The following XPA variants were observed in gnomAD, a reference collection of about 807,000 sequenced individuals.
XPA encodes the protein XPA, DNA damage recognition and repair factor.
In XPA, 27 loss-of-function variants were observed where a neutral mutation model predicts 35.7. That is an observed-to-expected ratio of 0.76 (90% CI 0.56 to 1.04). XPA has a LOEUF of 1.04. Among genes scored for constraint, XPA ranks in the 50% least tolerant of loss-of-function variants. The pLI is 0.00. For missense variants in XPA, 354 were observed against 342.7 expected, an observed-to-expected ratio of 1.03 and a Z score of -0.26; for synonymous variants, 133 against 118.4, an observed-to-expected ratio of 1.12 and a Z score of -0.80.
chr9:97,660,663 T>C, the XPA span, among the ~76,000 whole-genome samples: 3 of 152,212 alleles, frequency 2.0e-5, no homozygotes, highest in Admixed American at 1.3e-4. Flanking sequence ...ACCATTCATC[T>C]TGAGGATGAT....
intron 5 of XPA, among the ~76,000 whole-genome samples, chr9:97,677,558 C>T (rs945849987): frequency 2.0e-5 from 3 of 151,798 alleles, no homozygotes; most frequent in Non-Finnish European, 1.5e-5. Context: ...TAGCTAGCCA[C>T]GGTGACATGA....
intron 5 of XPA, among the ~76,000 whole-genome samples, chr9:97,681,663 C>T (rs3176711): frequency 0.094 from 14,278 of 152,126 alleles, 2,298 homozygotes; most frequent in African/African-American, 0.33. Flanking sequence ...AAACCCAAAA[C>T]GTTCTGTACA....
chr9:97,655,632 A>T, the XPA span: 8 of 1,288,036 alleles, frequency 6.2e-6, no homozygotes, highest in Non-Finnish European at 8.8e-6. Flanking sequence ...TTGAAGGCTT[A>T]TATAAGTTTC....
chr9:97,662,936 T>TC, the XPA span: 37 of 1,568,542 alleles, frequency 2.4e-5, no homozygotes, highest in Non-Finnish European at 2.7e-5. Flanking sequence ...GGTATTTTTT[T>TC]CCCATCATTA....
chr9:97,661,115 C>T, the XPA span: 7 of 1,599,938 alleles, frequency 4.4e-6, no homozygotes, highest in African/African-American at 6.7e-5. Context: ...TATAGGCCAA[C>T]TTAAAGCATA....
At chr9:97,687,899 G>A (rs968018908) in intron 3 of XPA, among the ~76,000 whole-genome samples, 1 of 152,130 alleles carries the variant, frequency 6.6e-6, no homozygotes, top group Admixed American at 6.6e-5. Flanking sequence ...CATAGCCAGC[G>A]AATGAAGCTG....
the XPA span, among the ~76,000 whole-genome samples, chr9:97,665,923 G>A: frequency 6.6e-6 from 1 of 152,116 alleles, no homozygotes; most frequent in African/African-American, 2.4e-5. Context: ...TCATAAGAGA[G>A]GAAACATTCA....
the XPA span, chr9:97,660,812 T>C: frequency 9.6e-7 from 1 of 1,047,072 alleles, no homozygotes. Flanking sequence ...TGATTAAATA[T>C]TGACCTTGGG....
At chr9:97,691,414 C>T (rs1159643337) in intron 2 of XPA, among the ~76,000 whole-genome samples, 2 of 152,046 alleles carry the variant, frequency 1.3e-5, no homozygotes, top group South Asian at 2.1e-4. Context: ...TTAAATTTTA[C>T]TAGTAAGGCT....
the XPA span, chr9:97,658,649 C>G: frequency 6.2e-7 from 1 of 1,609,718 alleles, no homozygotes. Context: ...GGTTGTCTTA[C>G]CATCAGCGTA....
chr9:97,686,878 G>C (rs1446350811), intron 4 of XPA, among the ~76,000 whole-genome samples: 1 of 152,130 alleles, frequency 6.6e-6, no homozygotes, highest in Non-Finnish European at 1.5e-5. Context: ...ACTCCAGCCT[G>C]AGTGACAGAG....
At chr9:97,686,935 A>C (rs1391603035) in intron 4 of XPA, among the ~76,000 whole-genome samples, 161 bp downstream of exon 4, 1 of 152,180 alleles carries the variant, frequency 6.6e-6, no homozygotes, top group Non-Finnish European at 1.5e-5. Context: ...CAAAATGAGA[A>C]AACATGTTAT....
the XPA span, chr9:97,655,678 C>T: frequency 6.3e-7 from 1 of 1,583,196 alleles, no homozygotes; most frequent in African/African-American, 1.4e-5. Flanking sequence ...TTTTTCTCTG[C>T]CTACCTCCCC....
At chr9:97,668,199 T>G in the XPA span, among the ~76,000 whole-genome samples, 1 of 152,226 alleles carries the variant, frequency 6.6e-6, no homozygotes, top group African/African-American at 2.4e-5. Flanking sequence ...ACTTTCTGAC[T>G]GGGTGATGCT....
intron 3 of XPA, among the ~76,000 whole-genome samples, 192 bp downstream of exon 3, chr9:97,689,342 G>C (rs559290567): frequency 6.6e-6 from 1 of 152,198 alleles, no homozygotes; most frequent in Admixed American, 6.5e-5. Flanking sequence ...CTATTTTATG[G>C]GGTATATCAT....
chr9:97,655,089 C>G, the XPA span: 1 of 563,478 alleles, frequency 1.8e-6, no homozygotes, highest in Non-Finnish European at 2.9e-6. Context: ...AATAACCAGA[C>G]TCATACTTAA....
Position 97,675,571 on chromosome 9 carries a change from T to C in XPA, c.690A>G (p.Val230=). ...DKKVKELRRA[V]RSSVWKRETI... is the part of the protein sequence containing the mutation. ...TCTCCCTTTTCCACACGCTGCTTCT[T>C]ACTGCTCGCCGCAATTCTGAAAAAA... Residue 230 remains valine, a synonymous_variant, in exon 6 of 6, where the codon GTA becomes GTG. Coordinates refer to ENST00000375128, the MANE Select transcript of XPA (RefSeq NM_000380.4). The C allele has an allele frequency of 6.2e-7, 1 of 1,614,034 alleles. No individual in the cohort carries two copies. Among genetic ancestry groups the C allele is most frequent in the Non-Finnish European group, 8.5e-7 (1 of 1,179,946 alleles).
At chr9:97,670,711 G>T (rs117847929), downstream of XPA, among the ~76,000 whole-genome samples, 2,133 of 152,262 alleles carry the variant, frequency 0.014, 102 homozygotes, top group East Asian at 0.13. Context: ...CTTCCTGTCA[G>T]TCCGTCTGGC....
chr9:97,697,027 C>G lies in XPA; in HGVS notation c.172+94G>C, dbSNP rs3176633. The G allele has an allele frequency of 0.13, 191,198 of 1,424,180 alleles. 14,064 individuals are homozygous for G. The highest frequency in any genetic ancestry group is 0.21 in the South Asian group (14,098 of 68,224). The allele number at this position is 1,424,180 out of a possible 1,614,324, so 88.2% of individuals were successfully genotyped here. On this transcript the variant is annotated intron_variant, in intron 1 of 5. Transcript: ENST00000375128. ...CACACATACGCCAGCGGAGTTGACG[C>G]GACCCCCGGGCCCCGGGACTCGGCT...
Sources: gnomAD v4.1 joint callset for allele counts (sites outside exome capture counted in the v4.1 genomes callset) on GRCh38, gnomAD v4.1.1 for gene constraint, MANE v1.5 for transcripts, NCBI Gene and HGNC (gene_info 2026-07-23, HGNC 2026-07-21) for gene names.